The following TPR variants were observed in gnomAD, a reference collection of about 807,000 sequenced individuals.
TPR encodes translocated promoter region, nuclear basket protein, also known as nucleoprotein TPR.
A neutral mutation model predicts 316.1 loss-of-function variants in TPR; 51 were observed. That is an observed-to-expected ratio of 0.16 (90% CI 0.13 to 0.20). The LOEUF (loss-of-function observed/expected upper bound fraction) is 0.20, where lower values mean the gene tolerates loss of function less well. Ranked by LOEUF, TPR falls within the 10% of genes least tolerant of loss-of-function variation. The probability of loss-of-function intolerance (pLI) is 1.00; values close to 1 mark genes in which losing one functional copy is unlikely to be tolerated. For missense variants in TPR, 2,272 were observed against 2,754.8 expected, an observed-to-expected ratio of 0.82 and a Z score of 3.92; for synonymous variants, 981 against 914.7, an observed-to-expected ratio of 1.07 and a Z score of -1.31.
rs540533510 is a variant in TPR, at chr1:186,328,412, T to C, written c.5689-752A>G. Among the ~76,000 whole-genome samples, 7 of 152,290 alleles carry C rather than the reference T, an allele frequency of 4.6e-5. No individual in the cohort carries two copies. The South Asian group carries it at 1.5e-3, about 32-fold the overall frequency. The stretch of plus-strand genomic sequence containing the variant: ...CAATGTAAAAATTATTAACCAGATA[T>C]TTCACATTTTAAAATTTCTACTAAG... On this transcript the variant is annotated intron_variant, in intron 39 of 50. Coordinates refer to ENST00000367478, the MANE Select transcript of TPR (RefSeq NM_003292.3).
At chr1:186,336,805 G>A (rs1658353201) in intron 32 of TPR, 111 bp from the exon 33 acceptor site, 10 of 1,336,616 alleles carry the variant, frequency 7.5e-6, no homozygotes, top group Non-Finnish European at 9.1e-6. Context: ...AAGATTAAAT[G>A]GAAGTATAAG....
chr1:186,314,050 TTGAATA>T, intron 50 of TPR, 24 bp from the exon 51 acceptor site: 1 of 1,602,402 alleles, frequency 6.2e-7, no homozygotes, highest in South Asian at 1.1e-5. Context: ...AAGAATCAAA[TTGAATA>T]TATCTTTTAA....
At position 186,359,867 on chromosome 1, in the gene TPR, G is replaced by T; in HGVS notation, c.1321C>A (p.Arg441Ser). Residue 441 changes from arginine to serine, a missense_variant, in exon 12 of 51, where the codon CGT becomes AGT. Physicochemically the swap from Arg to Ser is moderately radical, Grantham distance 110 (BLOSUM62 -1). Around this residue, in one of 10 missense-constraint regions of TPR, gnomAD observed 549 missense variants for 598.6 expected, o/e 0.92. Coordinates refer to ENST00000367478, the MANE Select transcript of TPR (RefSeq NM_003292.3). ...TTCTGTGCACGTTCATATTCCTCAC[G>T]CTGGCGTTTCAAAATTGGTGCTTTG... ...EAKAPILKRQ[R>S]EEYERAQKAV... 1 of 1,604,304 alleles carries T rather than the reference G, an allele frequency of 6.2e-7. No homozygotes were observed. The highest frequency in any genetic ancestry group is 8.5e-7 in the Non-Finnish European group (1 of 1,177,556).
In TPR at chr1:186,312,063, T is replaced by C. The variant is rs1000995992; in HGVS notation, c.*1908A>G. On this transcript the variant is annotated 3_prime_UTR_variant, in exon 51 of 51. Transcript: ENST00000367478. ...CCATTATTAATATCAATATATTATA[T>C]GAAAAATGAGAACAAAACTGTTTCC... 3.6e-5 allele frequency: 30 copies of C among 837,258 alleles called. No homozygotes were observed. The highest frequency in any genetic ancestry group is 2.9e-4 in the African/African-American group (17 of 58,356). 51.9% of individuals were successfully genotyped at this position (837,258 alleles called of 1,614,324 possible).
rs563546185 is a variant in TPR, at chr1:186,335,240, C to A, written c.4911+98G>T. 113 of 1,549,734 alleles carry A rather than the reference C, an allele frequency of 7.3e-5. No individual in the cohort carries two copies. In the East Asian group the frequency reaches 2.6e-3, roughly 35 times the overall value. ...TCTCTCCGCATATATTGAATTTTAG[C>A]CAAAATTCACTGACAAAGGCTCCTA... On this transcript the variant is annotated intron_variant, in intron 34 of 50. Transcript: ENST00000367478.
Position 186,351,486 on chromosome 1 carries a change from G to A in TPR, c.2470-16C>T, listed in dbSNP as rs774801228. The A allele has an allele frequency of 6.5e-7, 1 of 1,541,400 alleles. No homozygotes were observed. The highest frequency in any genetic ancestry group is 2.4e-5 in the East Asian group (1 of 42,290). ...CCAGTATTCCCTAAAGCAAAGAAAA[G>A]ATTTTTGGTTATGCTTAAGAAAAAG... On this transcript the variant is annotated splice_polypyrimidine_tract_variant and intron_variant, in intron 19 of 50. Coordinates refer to ENST00000367478, the MANE Select transcript of TPR (RefSeq NM_003292.3).
intron 31 of TPR, 35 bp from the exon 32 acceptor site, chr1:186,337,191 T>C (rs1329256887): frequency 6.4e-7 from 1 of 1,568,414 alleles, no homozygotes; most frequent in African/African-American, 1.4e-5. Context: ...CACTCACATA[T>C]TTATATTCAG....
At chr1:186,336,960 C>A in intron 32 of TPR, 53 bp downstream of exon 32, 1 of 1,606,254 alleles carries the variant, frequency 6.2e-7, no homozygotes, top group South Asian at 1.1e-5. Flanking sequence ...ACACATATTT[C>A]TTTAGGTGTA....
chr1:186,354,835 G>A (rs553521463), intron 17 of TPR, among the ~76,000 whole-genome samples: 2 of 152,152 alleles, frequency 1.3e-5, no homozygotes, highest in South Asian at 2.1e-4. Context: ...AAGTCCTACC[G>A]AAACAAGTCC....
In TPR at chr1:186,363,118, AT is replaced by A. The variant is rs1030698682; in HGVS notation, c.532-118del. The A allele has an allele frequency of 4.3e-5, 50 of 1,175,602 alleles. 1 individual carries two copies. The African/African-American group carries it at 6.9e-4, about 16-fold the overall frequency. The allele number at this position is 1,175,602 out of a possible 1,614,324, so 72.8% of individuals were successfully genotyped here. ...TTTTATTTCAAAACAGAAATTAAGTATTTGCATAGATTCTTAACTAGAAAAC... is the reference window on the plus strand; with the variant it reads ...TTTTATTTCAAAACAGAAATTAAGTATTGCATAGATTCTTAACTAGAAAAC... On this transcript the variant is annotated intron_variant, in intron 5 of 50. Coordinates refer to ENST00000367478, the MANE Select transcript of TPR (RefSeq NM_003292.3).
chr1:186,372,122 G>C (rs948705442), intron 2 of TPR, among the ~76,000 whole-genome samples: 1 of 152,182 alleles, frequency 6.6e-6, no homozygotes, highest in African/African-American at 2.4e-5. Flanking sequence ...AAAAGTAGCT[G>C]AAAAAAGTTA....
chr1:186,312,284 A>G lies in TPR; in HGVS notation c.*1687T>C, dbSNP rs749214186. On this transcript the variant is annotated 3_prime_UTR_variant, in exon 51 of 51. Transcript: ENST00000367478. ...ATGGAGAAACGACACAGGTTAGGAG[A>G]CGTCGCTTTGAACGTGCTATAGGAC... is the stretch of plus-strand genomic sequence containing the variant. 1 of 1,613,684 alleles carries G rather than the reference A, an allele frequency of 6.2e-7. No individual in the cohort carries two copies. Among genetic ancestry groups the G allele is most frequent in the East Asian group, 2.2e-5 (1 of 44,874 alleles).
At position 186,352,144 on chromosome 1, in the gene TPR, G is replaced by T. The variant is rs183977640; in HGVS notation, c.2335-34C>A. 983 of 1,559,106 alleles carry T rather than the reference G, an allele frequency of 6.3e-4. 4 individuals carry two copies. The highest frequency in any genetic ancestry group is 4.6e-3 in the South Asian group (383 of 82,384). ...AAGTAGAAATGAAATAAAAAATGCT[G>T]AAAAACATGGTGTCAAGTGTATTAA... On this transcript the variant is annotated intron_variant, in intron 18 of 50. Coordinates refer to ENST00000367478, the MANE Select transcript of TPR (RefSeq NM_003292.3).
intron 42 of TPR, 35 bp from the exon 43 acceptor site, chr1:186,323,905 A>G: frequency 6.6e-7 from 1 of 1,515,570 alleles, no homozygotes; most frequent in Non-Finnish European, 8.7e-7. Context: ...TTGAACTGCT[A>G]AATTTACCAC....
rs749186296 is a variant in TPR at position 186,335,446 on chromosome 1, C to A, written c.4803G>T (p.Ala1601=). 4 of 1,613,712 alleles carry A rather than the reference C, an allele frequency of 2.5e-6. No homozygotes were observed. Among genetic ancestry groups the A allele is most frequent in the Non-Finnish European group, 3.4e-6 (4 of 1,179,748 alleles). ...QKDELDVRIT[A]LKSQYEGRIS... ...TTCGACCTTCATATTGGGACTTTAG[C>A]GCAGTAATGCGAACATCCAATTCAT... Residue 1601 remains alanine, a synonymous_variant, in exon 34 of 51, where the codon GCG becomes GCT. Transcript: ENST00000367478.
chr1:186,360,939 C>T (rs1558032509), intron 9 of TPR, 34 bp from the exon 10 acceptor site: 1 of 1,593,008 alleles, frequency 6.3e-7, no homozygotes, highest in Non-Finnish European at 8.5e-7. Flanking sequence ...AATATTCAAA[C>T]ATACAGTTAA....
intron 10 of TPR, among the ~76,000 whole-genome samples, 174 bp downstream of exon 10, chr1:186,360,591 A>C (rs1312937255): frequency 6.6e-6 from 1 of 152,114 alleles, no homozygotes; most frequent in African/African-American, 2.4e-5. Flanking sequence ...TATATGCCCG[A>C]TTCTGTAAAG....
rs559083251 is a variant in TPR at position 186,314,321 on chromosome 1, G to A, written c.7037-295C>T. 4.2e-4 allele frequency: 162 copies of A among 390,302 alleles called. 1 individual carries two copies. The highest frequency in any genetic ancestry group is 3.1e-3 in the African/African-American group (152 of 48,432). The allele number at this position is 390,302 out of a possible 1,614,324, so 24.2% of individuals were successfully genotyped here. On this transcript the variant is annotated intron_variant, in intron 50 of 50. Transcript: ENST00000367478. The stretch of plus-strand genomic sequence containing the variant: ...GTATAAAAAAATTAACAATATAATG[G>A]CAATAGGTAGAGATACAACAAATGA...
chr1:186,363,057 A>C, intron 5 of TPR, 56 bp from the exon 6 acceptor site: 1 of 1,530,452 alleles, frequency 6.5e-7, no homozygotes, highest in South Asian at 1.2e-5. Flanking sequence ...TGATTATTCA[A>C]AAGATTTTGT....
Sources: gnomAD v4.1 joint callset for allele counts (sites outside exome capture counted in the v4.1 genomes callset) on GRCh38, gnomAD v4.1.1 for gene constraint, gnomAD v4.1.1 regional missense constraint, MANE v1.5 for transcripts, NCBI Gene and HGNC (gene_info 2026-07-23, HGNC 2026-07-21) for gene names.